The following MALRD1 variants were observed in gnomAD, a reference collection of about 807,000 sequenced individuals.
The protein encoded by MALRD1 is MAM and LDL-receptor class A domain-containing protein 1.
A neutral mutation model predicts 242.1 loss-of-function variants in MALRD1; 247 were observed. The observed-to-expected ratio is 1.02, with a 90% CI of 0.92 to 1.13. The LOEUF is 1.13. Ranked by LOEUF, MALRD1 falls within the 50% of genes most tolerant of loss-of-function variation. MALRD1 has a pLI of 0.00. For missense variants in MALRD1, 2,989 were observed against 2,533.1 expected, an observed-to-expected ratio of 1.18 and a Z score of -3.86; for synonymous variants, 995 against 866.6, an observed-to-expected ratio of 1.15 and a Z score of -2.60.
chr10:19,657,986 A>T (rs1441190861), intron 36 of MALRD1, among the ~76,000 whole-genome samples: 4 of 151,998 alleles, frequency 2.6e-5, no homozygotes, highest in African/African-American at 9.7e-5. Context: ...TGTCTCTACT[A>T]AAAATACAAA....
chr10:19,140,880 C>T (rs1473142239), intron 10 of MALRD1, among the ~76,000 whole-genome samples: 1 of 152,048 alleles, frequency 6.6e-6, no homozygotes, highest in Non-Finnish European at 1.5e-5. Context: ...AGCCTGGTGA[C>T]TATAGTTAGT....
At chr10:19,174,777 T>C (rs1023486914) in intron 13 of MALRD1, among the ~76,000 whole-genome samples, 10 of 152,076 alleles carry the variant, frequency 6.6e-5, no homozygotes, top group Admixed American at 6.6e-5. Context: ...ATATTATGTT[T>C]GTATGAATGT....
chr10:19,187,502 C>T (rs1415931200), intron 14 of MALRD1, among the ~76,000 whole-genome samples: 1 of 151,890 alleles, frequency 6.6e-6, no homozygotes, highest in Admixed American at 6.6e-5. Flanking sequence ...GGGACAGGAA[C>T]ACATCTGGTG....
intron 32 of MALRD1, among the ~76,000 whole-genome samples, chr10:19,543,429 A>AGTTCTTTTTTT (rs1835068481): frequency 2.3e-5 from 1 of 43,872 alleles, no homozygotes; most frequent in Non-Finnish European, 5.1e-5. Flanking sequence ...TGCCCAGCTG[A>AGTTCTTTTTTT]TTTCTTTTTT....
intron 11 of MALRD1, among the ~76,000 whole-genome samples, chr10:19,149,710 A>G (rs1281032415): frequency 6.6e-6 from 1 of 152,154 alleles, no homozygotes; most frequent in Non-Finnish European, 1.5e-5. Context: ...TAAATGTAAA[A>G]TTCAACCATT....
intron 18 of MALRD1, among the ~76,000 whole-genome samples, chr10:19,213,378 C>T (rs1282034765): frequency 1.3e-5 from 2 of 152,220 alleles, no homozygotes; most frequent in African/African-American, 2.4e-5. Context: ...GGACTACAGC[C>T]GCATGCTACT....
At chr10:19,058,740 A>G (rs1834737739) in intron 1 of MALRD1, among the ~76,000 whole-genome samples, 1 of 152,162 alleles carries the variant, frequency 6.6e-6, no homozygotes. Flanking sequence ...ACACAAAAAG[A>G]GAAATGACCA....
chr10:19,417,020 A>C (rs924507840), intron 28 of MALRD1, among the ~76,000 whole-genome samples: 1 of 152,218 alleles, frequency 6.6e-6, no homozygotes, highest in African/African-American at 2.4e-5. Context: ...AACTATGGCC[A>C]GCCCTTCTTG....
At chr10:19,143,026 G>A (rs1220113083) in intron 10 of MALRD1, among the ~76,000 whole-genome samples, 1 of 152,178 alleles carries the variant, frequency 6.6e-6, no homozygotes, top group Non-Finnish European at 1.5e-5. Context: ...TTACAGAGGT[G>A]GTTGCACCAT....
chr10:19,384,751 A>G (rs1280420168), intron 26 of MALRD1, among the ~76,000 whole-genome samples: 1 of 144,480 alleles, frequency 6.9e-6, no homozygotes, highest in African/African-American at 2.5e-5. Flanking sequence ...TGAATGCTTC[A>G]TTTTTTTCTT....
intron 29 of MALRD1, among the ~76,000 whole-genome samples, chr10:19,485,371 C>T (rs948719760): frequency 2.6e-5 from 4 of 152,106 alleles, no homozygotes; most frequent in East Asian, 1.9e-4. Context: ...AGGCCGGGCA[C>T]GGTGGCTCAC....
intron 36 of MALRD1, among the ~76,000 whole-genome samples, chr10:19,635,999 C>T (rs1840110157): frequency 6.6e-6 from 1 of 152,008 alleles, no homozygotes; most frequent in Admixed American, 6.6e-5. Context: ...TTCCTGGGTT[C>T]AAGCAATTCT....
intron 36 of MALRD1, among the ~76,000 whole-genome samples, chr10:19,674,113 G>C (rs1472888527): frequency 6.6e-6 from 1 of 152,118 alleles, no homozygotes; most frequent in Non-Finnish European, 1.5e-5. Flanking sequence ...GAAAGCGCAA[G>C]ATAGTCTAAG....
At chr10:19,390,276 C>T (rs1846283056) in intron 28 of MALRD1, among the ~76,000 whole-genome samples, 1 of 152,168 alleles carries the variant, frequency 6.6e-6, no homozygotes, top group Non-Finnish European at 1.5e-5. Flanking sequence ...TTTTTCCTCA[C>T]AGATGAGCAA....
At chr10:19,403,343 G>C (rs1382599876) in intron 28 of MALRD1, among the ~76,000 whole-genome samples, 1 of 152,090 alleles carries the variant, frequency 6.6e-6, no homozygotes, top group East Asian at 1.9e-4. Flanking sequence ...ATATGTATTA[G>C]GGTTTTGCCA....
At chr10:19,621,406 G>A (rs1437088152) in intron 36 of MALRD1, among the ~76,000 whole-genome samples, 2 of 148,486 alleles carry the variant, frequency 1.3e-5, no homozygotes, top group East Asian at 2.0e-4. Flanking sequence ...TGAATTGGCT[G>A]GATTAACTGA....
intron 28 of MALRD1, among the ~76,000 whole-genome samples, chr10:19,446,792 T>G (rs1012935747): frequency 1.3e-5 from 2 of 152,168 alleles, no homozygotes; most frequent in South Asian, 4.1e-4. Flanking sequence ...TTTACTCTTA[T>G]TAATGTGGTT....
chr10:19,575,306 C>T (rs1836753482), intron 33 of MALRD1, among the ~76,000 whole-genome samples: 2 of 152,196 alleles, frequency 1.3e-5, no homozygotes, highest in South Asian at 4.1e-4. Context: ...GGTGTAAATA[C>T]TCCCAGCATG....
chr10:19,638,101 CAAAAAAAAA>C (rs56865342), intron 36 of MALRD1, among the ~76,000 whole-genome samples: 4,587 of 41,968 alleles, frequency 0.11, 241 homozygotes, highest in African/African-American at 0.26. Flanking sequence ...AACTCACTCT[CAAAAAAAAA>C]AAAAAAAAAA....
Sources: gnomAD v4.1 joint callset for allele counts (sites outside exome capture counted in the v4.1 genomes callset) on GRCh38, gnomAD v4.1.1 for gene constraint, MANE v1.5 for transcripts, NCBI Gene and HGNC (gene_info 2026-07-23, HGNC 2026-07-21) for gene names.